FRYL: variants seen among roughly 807,000 people sequenced by gnomAD.
The protein encoded by FRYL is protein furry homolog-like.
FRYL carries 150 observed loss-of-function variants against 351.2 expected under a neutral mutation model. The ratio of observed to expected loss-of-function variants is 0.43; its 90% CI spans 0.37 to 0.49. The LOEUF is 0.49. Ranked by LOEUF, FRYL falls within the 20% of genes least tolerant of loss-of-function variation. The pLI is 0.00. For missense variants in FRYL, 3,036 were observed against 3,619.3 expected, an observed-to-expected ratio of 0.84 and a Z score of 4.13; for synonymous variants, 1,153 against 1,257.1, an observed-to-expected ratio of 0.92 and a Z score of 1.75.
intron 3 of FRYL, among the ~76,000 whole-genome samples, chr4:48,656,186 A>T (rs1758916772): frequency 7.4e-6 from 1 of 134,398 alleles, no homozygotes; most frequent in Non-Finnish European, 1.5e-5. Flanking sequence ...GTATAGTTAT[A>T]TATACATTAT....
At chr4:48,548,010 TA>T (rs1485492643) in intron 40 of FRYL, among the ~76,000 whole-genome samples, 1 of 152,114 alleles carries the variant, frequency 6.6e-6, no homozygotes, top group Non-Finnish European at 1.5e-5. Flanking sequence ...AGTGATCTCT[TA>T]AAAATTATTT....
chr4:48,765,289 T>C (rs1329141701), intron 1 of FRYL, among the ~76,000 whole-genome samples: 1 of 152,160 alleles, frequency 6.6e-6, no homozygotes, highest in Non-Finnish European at 1.5e-5. Flanking sequence ...CAGTATAGGA[T>C]TGGCATAAAA....
rs149358828 is a variant in FRYL at position 48,593,905 on chromosome 4, TATTATTAC to T, written c.1335+17_1335+24del. 7,134 of 1,094,338 alleles carry T rather than the reference TATTATTAC, an allele frequency of 6.5e-3. 337 individuals carry two copies. In the African/African-American group the frequency reaches 0.11, roughly 16 times the overall value. 67.8% of individuals were successfully genotyped at this position (1,094,338 alleles called of 1,614,324 possible). ...CTTAAAAAAAAAATCTAGGATTTTA[TATTATTAC>T]ATTATAATTTTTTTACCTCTGGATT... is the stretch of plus-strand genomic sequence containing the variant. On this transcript the variant is annotated intron_variant, in intron 16 of 63. Transcript: ENST00000358350.
intron 1 of FRYL, among the ~76,000 whole-genome samples, chr4:48,776,009 T>C (rs1775973323): frequency 7.0e-6 from 1 of 142,508 alleles, no homozygotes; most frequent in Admixed American, 7.3e-5. Flanking sequence ...TTTGCAAGCA[T>C]GAGAGACAGT....
At chr4:48,504,908 A>T (rs1720575531) in intron 60 of FRYL, among the ~76,000 whole-genome samples, 1 of 152,148 alleles carries the variant, frequency 6.6e-6, no homozygotes. Flanking sequence ...ATATAACCAA[A>T]GGTAGAATAT....
intron 3 of FRYL, among the ~76,000 whole-genome samples, chr4:48,684,274 T>C (rs1429755047): frequency 6.6e-6 from 1 of 152,174 alleles, no homozygotes; most frequent in South Asian, 2.1e-4. Flanking sequence ...ACTCTCACAG[T>C]TATAATATTC....
intron 1 of FRYL, among the ~76,000 whole-genome samples, chr4:48,712,402 C>A (rs545540869): frequency 6.6e-6 from 1 of 151,972 alleles, no homozygotes; most frequent in African/African-American, 2.4e-5. Flanking sequence ...AGCCAAGGCT[C>A]GAGAACTACA....
intron 3 of FRYL, among the ~76,000 whole-genome samples, chr4:48,658,665 G>A (rs1473522316): frequency 1.3e-5 from 2 of 151,642 alleles, no homozygotes; most frequent in Non-Finnish European, 2.9e-5. Context: ...GAGGTGGGAG[G>A]ATCAACGGGG....
chr4:48,544,042 A>T, intron 43 of FRYL, 45 bp from the exon 44 acceptor site: 1 of 1,520,612 alleles, frequency 6.6e-7, no homozygotes, highest in South Asian at 1.2e-5. Context: ...GTTCTTTAGA[A>T]TACTAATGGG....
chr4:48,713,937 C>T (rs1490265632), intron 1 of FRYL, among the ~76,000 whole-genome samples: 1 of 152,040 alleles, frequency 6.6e-6, no homozygotes, highest in Non-Finnish European at 1.5e-5. Context: ...GACCACAGTG[C>T]AATCAAACTA....
At chr4:48,645,980 A>T (rs1236744633) in intron 3 of FRYL, 1 of 152,202 alleles carries the variant, frequency 6.6e-6, no homozygotes, top group Non-Finnish European at 1.5e-5. Context: ...AGGCTATGTT[A>T]CTGGAATCAT....
chr4:48,592,985 T>C (rs1334682952), intron 16 of FRYL, among the ~76,000 whole-genome samples: 1 of 152,104 alleles, frequency 6.6e-6, no homozygotes, highest in Non-Finnish European at 1.5e-5. Flanking sequence ...TGTAATTAGA[T>C]TCCAACAAAG....
chr4:48,611,870 T>C (rs1435710722), intron 7 of FRYL, among the ~76,000 whole-genome samples: 2 of 152,166 alleles, frequency 1.3e-5, no homozygotes, highest in African/African-American at 2.4e-5. Context: ...ACCTACTTGA[T>C]GGGAAAAAGA....
At position 48,565,528 on chromosome 4, in the gene FRYL, T is replaced by C; in HGVS notation, c.3330+3A>G. The C allele has an allele frequency of 6.5e-7, 1 of 1,541,766 alleles. No individual in the cohort carries two copies. The highest frequency in any genetic ancestry group is 8.7e-7 in the Non-Finnish European group (1 of 1,148,754). On this transcript the variant is annotated splice_donor_region_variant and intron_variant, in intron 29 of 63. Coordinates refer to ENST00000358350, the MANE Select transcript of FRYL (RefSeq NM_015030.2). ...AAAAGAAATCAGGTTTCTAAGTAAA[T>C]ACCTTTAACGCACAGTATTGATGTC...
chr4:48,563,855 T>C (rs1736126977), intron 31 of FRYL, 93 bp downstream of exon 31: 1 of 1,375,472 alleles, frequency 7.3e-7, no homozygotes, highest in Non-Finnish European at 9.9e-7. Context: ...GAAGGACAAC[T>C]AAACTGGTGT....
chr4:48,519,859 G>A (rs1362016176), intron 55 of FRYL, among the ~76,000 whole-genome samples: 2 of 151,986 alleles, frequency 1.3e-5, no homozygotes, highest in Non-Finnish European at 2.9e-5. Flanking sequence ...TCAGCCTTCC[G>A]AGTAGCTGGG....
intron 3 of FRYL, among the ~76,000 whole-genome samples, chr4:48,675,743 T>C (rs1763550312): frequency 6.6e-6 from 1 of 152,216 alleles, no homozygotes; most frequent in South Asian, 2.1e-4. Context: ...AGCACGGGAC[T>C]GGCAGGCAGC....
chr4:48,681,098 G>A, intron 3 of FRYL: 1 of 1,262,590 alleles, frequency 7.9e-7, no homozygotes, highest in African/African-American at 1.5e-5. Flanking sequence ...GAAAGAATGG[G>A]AGGAACAACT....
At chr4:48,648,323 G>C (rs562627186) in intron 3 of FRYL, among the ~76,000 whole-genome samples, 1 of 152,164 alleles carries the variant, frequency 6.6e-6, no homozygotes, top group South Asian at 2.1e-4. Flanking sequence ...TATTCTACAT[G>C]GTCTAGTCCT....
Sources: allele counts gnomAD v4.1 joint callset (sites outside exome capture counted in the v4.1 genomes callset), GRCh38; gene constraint gnomAD v4.1.1; transcripts MANE v1.5; gene names NCBI Gene and HGNC (gene_info 2026-07-23, HGNC 2026-07-21).